CSMD1: variants seen among roughly 807,000 people sequenced by gnomAD.
The protein encoded by CSMD1 is CUB and Sushi multiple domains 1, also known as CUB and sushi domain-containing protein 1.
CSMD1 carries 213 observed loss-of-function variants against 417.5 expected under a neutral mutation model. That is an observed-to-expected ratio of 0.51 (90% confidence interval 0.46 to 0.57). The LOEUF (loss-of-function observed/expected upper bound fraction) is 0.57. Among genes scored for constraint, CSMD1 ranks in the 20% least tolerant of loss-of-function variants. CSMD1 has a pLI of 0.00. For synonymous variants in CSMD1, 2,862 were observed against 1,736.8 expected (o/e 1.65, Z -16.11); for missense variants, 6,923 against 4,529.7 (o/e 1.53, Z -15.17).
At position 4,267,169 on chromosome 8, in the gene CSMD1, T is replaced by A. The variant is rs541080103; in HGVS notation, c.415+152784A>T. 3.0e-5 allele frequency among the ~76,000 whole-genome samples: 3 copies of A among 101,290 alleles called. 1 individual carries two copies. The South Asian group carries it at 1.1e-3, about 38-fold the overall frequency. 66.5% of individuals were successfully genotyped at this position (101,290 alleles called of 152,430 possible). On this transcript the variant is annotated intron_variant, in intron 3 of 69. Coordinates refer to ENST00000635120, the MANE Select transcript of CSMD1 (RefSeq NM_033225.6). ...GTATAATTATTTGAAACAGTGAAGATAATATTCATTAATTCCAAAAAATGC... is the reference window on the plus strand; with the variant it reads ...GTATAATTATTTGAAACAGTGAAGAAAATATTCATTAATTCCAAAAAATGC...
chr8:3,669,733 C>T (rs548084377), intron 7 of CSMD1, among the ~76,000 whole-genome samples: 5 of 152,192 alleles, frequency 3.3e-5, no homozygotes. Context: ...GCCAGGAGGA[C>T]AGGGGCCCTG....
intron 12 of CSMD1, among the ~76,000 whole-genome samples, chr8:3,411,382 T>C (rs140692367): frequency 5.9e-4 from 89 of 152,046 alleles, no homozygotes; most frequent in African/African-American, 1.9e-3. Flanking sequence ...TTTCCATAGG[T>C]TTTGGGGGGA....
chr8:4,857,689 A>G (rs1302751426), intron 1 of CSMD1, among the ~76,000 whole-genome samples: 3 of 152,002 alleles, frequency 2.0e-5, no homozygotes, highest in Admixed American at 6.6e-5. Context: ...TCCTGGACAC[A>G]TACACTCTCC....
At position 3,406,061 on chromosome 8, in the gene CSMD1, G is replaced by A. The variant is rs1471534448; in HGVS notation, c.2232C>T (p.Asn744=). 16 of 1,613,944 alleles carry A rather than the reference G, an allele frequency of 9.9e-6. No homozygotes were observed. Among genetic ancestry groups the A allele is most frequent in the East Asian group, 2.2e-5 (1 of 44,854 alleles). The change falls in exon 15 of 70, where the codon AAC becomes AAT. Residue 744 remains asparagine, a synonymous_variant. Coordinates refer to ENST00000635120, the MANE Select transcript of CSMD1 (RefSeq NM_033225.6). ...ESITCILQDG[N]VVWSSTVPRC... Reference sequence around the variant, plus strand: ...GGGGCACGGTGGAGCTCCAGACCACGTTCCCGTCTTGCAGTATGCAGGTAA... The same window carrying A: ...GGGGCACGGTGGAGCTCCAGACCACATTCCCGTCTTGCAGTATGCAGGTAA...
intron 8 of CSMD1, among the ~76,000 whole-genome samples, chr8:3,590,074 T>C (rs1378062972): frequency 1.3e-5 from 2 of 151,740 alleles, no homozygotes; most frequent in East Asian, 1.9e-4. Flanking sequence ...AAGGCAAATA[T>C]AAAATATATG....
At chr8:3,759,152 A>G (rs778938082) in intron 5 of CSMD1, among the ~76,000 whole-genome samples, 1 of 152,196 alleles carries the variant, frequency 6.6e-6, no homozygotes, top group African/African-American at 2.4e-5. Flanking sequence ...TATTTGTGTT[A>G]ATTTGTTATG....
At chr8:3,443,369 T>C (rs778304794) in intron 12 of CSMD1, among the ~76,000 whole-genome samples, 2 of 152,102 alleles carry the variant, frequency 1.3e-5, no homozygotes, top group Admixed American at 6.5e-5. Context: ...CAAGCTACTA[T>C]AGAATGAGCT....
Position 3,512,511 on chromosome 8 carries a change from CTGGGCTGGTGGGCTGG to C in CSMD1, c.1345-18801_1345-18786del, listed in dbSNP as rs764581731. Among the ~76,000 whole-genome samples, 15 of 151,012 alleles carry C rather than the reference CTGGGCTGGTGGGCTGG, an allele frequency of 9.9e-5. No homozygotes were observed. The South Asian group carries it at 3.2e-3, about 32-fold the overall frequency. ...ACTGAAAGAATGACCACATGAACGG[CTGGGCTGGTGGGCTGG>C]TGGGCTGGTGGGTGAGTCCACAGCA... On this transcript the variant is annotated intron_variant, in intron 10 of 69. Transcript: ENST00000635120.
At chr8:4,467,086 A>C (rs1260656297) in intron 2 of CSMD1, among the ~76,000 whole-genome samples, 1 of 151,086 alleles carries the variant, frequency 6.6e-6, no homozygotes, top group African/African-American at 2.4e-5. Flanking sequence ...ATTTCTTTTC[A>C]AATTTCAACT....
chr8:3,181,914 G>C (rs1821354372), intron 36 of CSMD1, among the ~76,000 whole-genome samples: 1 of 152,188 alleles, frequency 6.6e-6, no homozygotes, highest in South Asian at 2.1e-4. Flanking sequence ...TCATCACTCA[G>C]AAGTTTGAGA....
chr8:3,229,903 G>C (rs963177219), intron 27 of CSMD1, 137 bp downstream of exon 27: 3 of 585,278 alleles, frequency 5.1e-6, no homozygotes, highest in Non-Finnish European at 8.6e-6. Flanking sequence ...AAAATTTCAG[G>C]AGTCTCAGAG....
chr8:2,986,021 G>C (rs1805874910), intron 54 of CSMD1, among the ~76,000 whole-genome samples: 1 of 144,892 alleles, frequency 6.9e-6, no homozygotes, highest in African/African-American at 2.8e-5. Flanking sequence ...GAGGGAGGGA[G>C]GGAGAAAACC....
chr8:4,229,411 C>A (rs773103223), intron 3 of CSMD1, among the ~76,000 whole-genome samples: 2 of 152,226 alleles, frequency 1.3e-5, no homozygotes, highest in African/African-American at 4.8e-5. Flanking sequence ...CTAGATCATA[C>A]CTACCACAAT....
chr8:4,625,925 T>C (rs1287514313), intron 2 of CSMD1, among the ~76,000 whole-genome samples: 1 of 152,146 alleles, frequency 6.6e-6, no homozygotes, highest in Non-Finnish European at 1.5e-5. Context: ...GGTTTCACCA[T>C]GTTGGCCAGG....
intron 1 of CSMD1, among the ~76,000 whole-genome samples, chr8:4,864,283 A>G (rs1444880976): frequency 1.3e-5 from 2 of 151,876 alleles, no homozygotes; most frequent in Non-Finnish European, 2.9e-5. Context: ...ACACAAAGAC[A>G]CACACACACA....
chr8:4,955,771 GC>G, intron 1 of CSMD1, among the ~76,000 whole-genome samples: 1 of 46,270 alleles, frequency 2.2e-5, no homozygotes, highest in South Asian at 9.2e-4. Flanking sequence ...CTTCCAAACT[GC>G]ATGTTAGGTG....
chr8:4,528,307 A>T (rs1053191810), intron 2 of CSMD1, among the ~76,000 whole-genome samples: 7 of 152,316 alleles, frequency 4.6e-5, no homozygotes, highest in Non-Finnish European at 7.3e-5. Flanking sequence ...ATGAACAGCA[A>T]CAACAAAAGT....
At chr8:3,951,543 A>G (rs961149325) in intron 5 of CSMD1, among the ~76,000 whole-genome samples, 4 of 152,172 alleles carry the variant, frequency 2.6e-5, no homozygotes, top group Non-Finnish European at 5.9e-5. Flanking sequence ...ATGATGATCT[A>G]TCTAAGTAAA....
At chr8:4,446,171 T>A (rs1430133561) in intron 2 of CSMD1, among the ~76,000 whole-genome samples, 2 of 152,202 alleles carry the variant, frequency 1.3e-5, no homozygotes, top group East Asian at 3.9e-4. Flanking sequence ...ACTTCATAAA[T>A]GACGCATCAA....
Sources: gnomAD v4.1 joint callset for allele counts (sites outside exome capture counted in the v4.1 genomes callset) on GRCh38, gnomAD v4.1.1 for gene constraint, MANE v1.5 for transcripts, NCBI Gene and HGNC (gene_info 2026-07-23, HGNC 2026-07-21) for gene names.